ADCK1: variants seen among roughly 807,000 people sequenced by gnomAD.
The protein encoded by ADCK1 is aarF domain containing kinase 1.
Under a neutral mutation model 52.3 loss-of-function variants are expected in ADCK1, and 41 were observed. That is an observed-to-expected ratio of 0.78 (90% CI 0.61 to 1.02). ADCK1 has a LOEUF of 1.02. Ranked by LOEUF, ADCK1 falls within the 50% of genes least tolerant of loss-of-function variation. ADCK1 has a pLI of 0.00. For synonymous variants in ADCK1, 250 were observed against 274.6 expected (o/e 0.91, Z 0.89); for missense variants, 658 against 679.5 (o/e 0.97, Z 0.35).
chr14:77,873,246 A>G (rs2082825106), intron 4 of ADCK1, among the ~76,000 whole-genome samples: 1 of 152,240 alleles, frequency 6.6e-6, no homozygotes, highest in Non-Finnish European at 1.5e-5. Flanking sequence ...ATAATGTTTA[A>G]TCTGGAAAGG....
rs1008647448 is a variant in ADCK1 at position 77,931,639 on chromosome 14, C to T, written c.1328C>T (p.Ala443Val). The change falls in exon 10 of 11, where the codon GCC (alanine) becomes GTC (valine). Residue 443 changes from alanine (A) to valine (V), a missense_variant. By Grantham distance (64) the Ala-to-Val change is moderately conservative. Transcript: ENST00000238561. ...AACGACCTGCTGCGTGGCATTGAGG[C>T]CGCCCTGGGCACCCGCGCCAGCGCC... ...KTNDLLRGIE[A>V]ALGTRASASS... 7 of 1,612,312 alleles carry T rather than the reference C, an allele frequency of 4.3e-6. No individual in the cohort carries two copies. Among genetic ancestry groups the T allele is most frequent in the Admixed American group, 1.7e-5 (1 of 60,030 alleles).
intron 7 of ADCK1, among the ~76,000 whole-genome samples, chr14:77,919,077 G>A (rs1157844755): frequency 2.0e-5 from 3 of 152,100 alleles, no homozygotes; most frequent in Non-Finnish European, 4.4e-5. Context: ...TTTTGAGATG[G>A]AGTTTCACTC....
intron 1 of ADCK1, among the ~76,000 whole-genome samples, chr14:77,812,376 A>G (rs1424459847): frequency 2.6e-5 from 4 of 151,612 alleles, no homozygotes; most frequent in Admixed American, 6.6e-5. Flanking sequence ...GAGTGAGATC[A>G]TGCAGTATTT....
intron 6 of ADCK1, among the ~76,000 whole-genome samples, chr14:77,904,764 G>T (rs1404937844): frequency 6.6e-6 from 1 of 152,162 alleles, no homozygotes; most frequent in Non-Finnish European, 1.5e-5. Context: ...AATGGTCAGG[G>T]TGTGACCCTG....
chr14:77,833,455 G>A (rs1439029394), intron 3 of ADCK1, among the ~76,000 whole-genome samples: 1 of 152,198 alleles, frequency 6.6e-6, no homozygotes, highest in African/African-American at 2.4e-5. Context: ...CTTTCTCGGA[G>A]TTTGTGATAA....
chr14:77,889,615 C>T (rs147108679), intron 5 of ADCK1, among the ~76,000 whole-genome samples: 1 of 152,286 alleles, frequency 6.6e-6, no homozygotes, highest in African/African-American at 2.4e-5. Flanking sequence ...TGCCTCTGGG[C>T]AAAACCTAGC....
At chr14:77,804,816 A>AG (rs1364138184) in intron 1 of ADCK1, among the ~76,000 whole-genome samples, 1 of 152,156 alleles carries the variant, frequency 6.6e-6, no homozygotes, top group Admixed American at 6.5e-5. Flanking sequence ...TGACAGCCTG[A>AG]GGTTCAATTC....
At position 77,923,754 on chromosome 14, in the gene ADCK1, G is replaced by C. The variant is rs557401432; in HGVS notation, c.859-703G>C. On this transcript the variant is annotated intron_variant, in intron 7 of 10. Coordinates refer to ENST00000238561, the MANE Select transcript of ADCK1 (RefSeq NM_020421.4). This position sits in a 1 kb window ranked among gnomAD's most constrained non-coding sequence, Gnocchi z 4.3. ...TTTAGCTTTAATAAAAAAGGGACTA[G>C]AGATAAGAAGACTGCCTCGTCAGGG... The C allele has an allele frequency of 2.6e-5, 4 of 152,422 alleles. No individual in the cohort carries two copies. In the East Asian group the frequency reaches 7.7e-4, roughly 29 times the overall value. The allele number at this position is 152,422 out of a possible 1,614,324, so 9.4% of individuals were successfully genotyped here. A position where few individuals can be genotyped will look rare whatever the true frequency, so the allele number is the denominator to read the frequency against.
chr14:77,886,741 A>G (rs999110960), intron 4 of ADCK1, among the ~76,000 whole-genome samples: 1 of 152,064 alleles, frequency 6.6e-6, no homozygotes, highest in Non-Finnish European at 1.5e-5. Context: ...CCCCATCTCT[A>G]TTAAAAAATA....
chr14:77,816,359 A>T (rs72688836), intron 1 of ADCK1, among the ~76,000 whole-genome samples: 1 of 152,106 alleles, frequency 6.6e-6, no homozygotes, highest in Non-Finnish European at 1.5e-5. Flanking sequence ...TAGGAATCAG[A>T]ATCTCTTTCC....
chr14:77,861,483 C>T (rs753360428), intron 4 of ADCK1, among the ~76,000 whole-genome samples: 4 of 152,128 alleles, frequency 2.6e-5, no homozygotes, highest in Non-Finnish European at 4.4e-5. Flanking sequence ...TGACACTTCT[C>T]GGGGAGCAGT....
intron 4 of ADCK1, among the ~76,000 whole-genome samples, chr14:77,873,089 C>G (rs796650091): frequency 6.6e-6 from 1 of 152,050 alleles, no homozygotes. Context: ...TTAGTGCACC[C>G]GTCGCCTGAG....
chr14:77,802,315 G>T lies in ADCK1; in HGVS notation c.-12+2145G>T, dbSNP rs549764138. On this transcript the variant is annotated intron_variant, in intron 1 of 10. Transcript: ENST00000238561. ...CACTCTCTTCTCTTACCTGCTGCTT[G>T]CTCTTTGCATCTGGCTTTGCCCTAT... Among the ~76,000 whole-genome samples, 189 of 152,068 alleles carry T rather than the reference G, an allele frequency of 1.2e-3. 2 individuals carry two copies. The highest frequency in any genetic ancestry group is 8.8e-4 in the Non-Finnish European group (60 of 68,020).
intron 4 of ADCK1, among the ~76,000 whole-genome samples, chr14:77,863,979 TA>T (rs971367311): frequency 3.9e-5 from 6 of 152,208 alleles, no homozygotes; most frequent in Non-Finnish European, 7.4e-5. Flanking sequence ...ATACCTCTGT[TA>T]GGGGCAATGC....
chr14:77,834,688 G>A (rs921491022), intron 3 of ADCK1, among the ~76,000 whole-genome samples: 37 of 152,210 alleles, frequency 2.4e-4, no homozygotes, highest in African/African-American at 7.2e-4. Context: ...AGTTCCTCTC[G>A]TGTGCATGTC....
At chr14:77,908,200 A>G in intron 7 of ADCK1, 2 of 247,560 alleles carry the variant, frequency 8.1e-6, no homozygotes, top group East Asian at 9.3e-5. Context: ...AAGCGGCCAC[A>G]GAGAACAATG....
At chr14:77,881,769 G>A (rs55708480) in intron 4 of ADCK1, among the ~76,000 whole-genome samples, 20,686 of 152,134 alleles carry the variant, frequency 0.14, 1,492 homozygotes, top group Middle Eastern at 0.19. Flanking sequence ...CTGGGATTAC[G>A]GGTATCAGCC....
At chr14:77,873,867 T>A (rs549667179) in intron 4 of ADCK1, among the ~76,000 whole-genome samples, 1 of 152,354 alleles carries the variant, frequency 6.6e-6, no homozygotes, top group South Asian at 2.1e-4. Flanking sequence ...TTCCCCAGCC[T>A]TGGGTATGTC....
intron 3 of ADCK1, among the ~76,000 whole-genome samples, chr14:77,849,628 T>C (rs890185907): frequency 2.6e-5 from 4 of 151,968 alleles, no homozygotes; most frequent in African/African-American, 9.7e-5. Flanking sequence ...TCATTTTTAT[T>C]TTTTGTAAAG....
Sources: gnomAD v4.1 joint callset for allele counts (sites outside exome capture counted in the v4.1 genomes callset) on GRCh38, gnomAD v4.1.1 for gene constraint, Gnocchi (gnomAD v3.1) non-coding constraint, MANE v1.5 for transcripts, NCBI Gene and HGNC (gene_info 2026-07-23, HGNC 2026-07-21) for gene names.